SORCS3: variants seen among roughly 807,000 people sequenced by gnomAD.
The protein encoded by SORCS3 is sortilin related VPS10 domain containing receptor 3.
In SORCS3, 57 loss-of-function variants were observed where a neutral mutation model predicts 146.3. The observed-to-expected ratio is 0.39, with a 90% CI of 0.31 to 0.49. The LOEUF (loss-of-function observed/expected upper bound fraction) is 0.49, where lower values mean the gene tolerates loss of function less well. SORCS3 is among the 20% of genes least tolerant of loss of function. SORCS3 has a pLI of 0.92. For missense variants in SORCS3, 1,341 were observed against 1,575.5 expected (o/e 0.85, Z 2.52); for synonymous variants, 653 against 618.5 (o/e 1.06, Z -0.83).
At chr10:104,776,876 A>G (rs555518807) in intron 1 of SORCS3, among the ~76,000 whole-genome samples, 3,215 of 139,348 alleles carry the variant, frequency 0.023, 47 homozygotes, top group Middle Eastern at 0.092. Flanking sequence ...AGCAGCAGGG[A>G]AAAAAAAAAA....
chr10:104,976,768 A>G (rs1462556576), intron 3 of SORCS3, among the ~76,000 whole-genome samples: 3 of 152,198 alleles, frequency 2.0e-5, no homozygotes, highest in Non-Finnish European at 4.4e-5. Context: ...AGGGACATGG[A>G]TGAAATTGGA....
chr10:104,827,365 G>A (rs1265401090), intron 1 of SORCS3, among the ~76,000 whole-genome samples: 1 of 152,286 alleles, frequency 6.6e-6, no homozygotes, highest in East Asian at 1.9e-4. Flanking sequence ...GATGGATGTT[G>A]TGATAGCAGG....
chr10:104,762,819 G>A (rs2017137328), intron 1 of SORCS3, among the ~76,000 whole-genome samples: 2 of 152,156 alleles, frequency 1.3e-5, no homozygotes, highest in African/African-American at 4.8e-5. Context: ...CTCTAGCCAT[G>A]CGGAACTGAG....
At chr10:105,217,209 C>T (rs2056670707) in intron 19 of SORCS3, 87 bp downstream of exon 19, 3 of 1,383,674 alleles carry the variant, frequency 2.2e-6, no homozygotes, top group Admixed American at 1.8e-5. Flanking sequence ...AGAGCTGAGC[C>T]CAGGTTCAGT....
chr10:104,974,710 T>G (rs1468893504), intron 3 of SORCS3, among the ~76,000 whole-genome samples: 5 of 152,178 alleles, frequency 3.3e-5, no homozygotes, highest in Non-Finnish European at 7.3e-5. Flanking sequence ...AAGTTAATAT[T>G]GTGATGTGTG....
intron 14 of SORCS3, among the ~76,000 whole-genome samples, chr10:105,187,702 C>T (rs182919892): frequency 2.6e-5 from 4 of 152,238 alleles, no homozygotes; most frequent in African/African-American, 9.6e-5. Flanking sequence ...AAAGAGGATT[C>T]GGGAGTCCAC....
At chr10:105,184,767 C>T (rs2056464781) in intron 14 of SORCS3, among the ~76,000 whole-genome samples, 1 of 152,114 alleles carries the variant, frequency 6.6e-6, no homozygotes, top group Non-Finnish European at 1.5e-5. Flanking sequence ...TAAACATATC[C>T]TATCATCTCC....
chr10:105,020,288 T>C (rs1180498907), intron 4 of SORCS3, among the ~76,000 whole-genome samples: 2 of 152,218 alleles, frequency 1.3e-5, no homozygotes, highest in Non-Finnish European at 2.9e-5. Flanking sequence ...AAGGGCCTCG[T>C]AAATACTGAC....
At chr10:104,884,854 TC>T (rs1294231918) in intron 2 of SORCS3, among the ~76,000 whole-genome samples, 2 of 152,002 alleles carry the variant, frequency 1.3e-5, no homozygotes, top group Non-Finnish European at 2.9e-5. Context: ...TTTTTTTTTT[TC>T]CTCCTATGTC....
intron 1 of SORCS3, among the ~76,000 whole-genome samples, chr10:104,792,910 TG>T (rs2017511726): frequency 6.6e-6 from 1 of 152,158 alleles, no homozygotes; most frequent in African/African-American, 2.4e-5. Context: ...TAAGTTATTT[TG>T]GGGTCATGGA....
At chr10:105,223,934 T>G (rs141604190) in intron 20 of SORCS3, among the ~76,000 whole-genome samples, 34 of 152,332 alleles carry the variant, frequency 2.2e-4, no homozygotes, top group Middle Eastern at 3.4e-3. Flanking sequence ...ACACTTCATT[T>G]TTGAGGAGTT....
Position 105,157,257 on chromosome 10 carries a change from G to T in SORCS3, c.1602G>T (p.Leu534=). The T allele has an allele frequency of 6.2e-7, 1 of 1,614,078 alleles. No individual in the cohort carries two copies. The change falls in exon 10 of 27, where the codon CTG becomes CTT. Residue 534 remains leucine, a synonymous_variant. Coordinates refer to ENST00000369701, the MANE Select transcript of SORCS3 (RefSeq NM_014978.3). ...WRLLQAPDVD[L]RGSPVHCLLP... ...TGCTGCAAGCTCCGGATGTGGACCT[G>T]AGAGGAAGCCCAGTGCACTGCCTGC...
chr10:105,130,172 A>G (rs960412275), intron 7 of SORCS3, among the ~76,000 whole-genome samples: 2 of 152,054 alleles, frequency 1.3e-5, no homozygotes, highest in Non-Finnish European at 2.9e-5. Context: ...TCTGTTTTCC[A>G]TGAGAGAAAA....
At chr10:105,116,498 C>G (rs530611514) in intron 7 of SORCS3, among the ~76,000 whole-genome samples, 1 of 152,166 alleles carries the variant, frequency 6.6e-6, no homozygotes, top group African/African-American at 2.4e-5. Context: ...GAACTTAAAA[C>G]AGGATTACCA....
rs1295902164 is a variant in SORCS3 at position 105,091,396 on chromosome 10, CTCCT to C, written c.1093+1581_1093+1584del. 1.6e-3 allele frequency among the ~76,000 whole-genome samples: 58 copies of C among 36,712 alleles called. 2 individuals carry two copies. The highest frequency in any genetic ancestry group is 3.5e-3 in the African/African-American group (39 of 11,118). 24.1% of individuals were successfully genotyped at this position (36,712 alleles called of 152,430 possible). On this transcript the variant is annotated intron_variant, in intron 6 of 26. Transcript: ENST00000369701. ...CCTCCTTCCCTCCTTCCTTCCTTCC[CTCCT>C]TCCTTCCTTCCTTCCTTCCTTCCCT...
chr10:104,841,735 C>T (rs899519591), intron 1 of SORCS3, among the ~76,000 whole-genome samples: 3 of 151,560 alleles, frequency 2.0e-5, no homozygotes, highest in Admixed American at 6.6e-5. Flanking sequence ...TTCATTATCT[C>T]GGAAAGAATT....
At chr10:104,902,202 T>A (rs1406446615) in intron 2 of SORCS3, among the ~76,000 whole-genome samples, 1 of 152,250 alleles carries the variant, frequency 6.6e-6, no homozygotes, top group East Asian at 1.9e-4. Flanking sequence ...CCACTGAAGA[T>A]GGCTGATAGG....
At chr10:104,920,143 C>A (rs2019072735) in intron 3 of SORCS3, among the ~76,000 whole-genome samples, 1 of 152,158 alleles carries the variant, frequency 6.6e-6, no homozygotes, top group South Asian at 2.1e-4. Context: ...CAGCCAATGG[C>A]AGTAGTCTCT....
At chr10:104,741,134 A>ATTTTTTTT (rs34447542) in intron 1 of SORCS3, among the ~76,000 whole-genome samples, 1 of 104,900 alleles carries the variant, frequency 9.5e-6, no homozygotes, top group South Asian at 3.5e-4. Flanking sequence ...GATAATTTAA[A>ATTTTTTTT]TTTTTTTTTT....
Sources: allele counts gnomAD v4.1 joint callset (sites outside exome capture counted in the v4.1 genomes callset), GRCh38; gene constraint gnomAD v4.1.1; transcripts MANE v1.5; gene names NCBI Gene and HGNC (gene_info 2026-07-23, HGNC 2026-07-21).